ATG4B: variants seen among roughly 807,000 people sequenced by gnomAD.
ATG4B encodes the protein autophagy related 4B cysteine peptidase.
Under a neutral mutation model 56.6 loss-of-function variants are expected in ATG4B, and 29 were observed. The ratio of observed to expected loss-of-function variants is 0.51; its 90% CI spans 0.38 to 0.70. The LOEUF is 0.70. Among genes scored for constraint, ATG4B ranks in the 30% least tolerant of loss-of-function variants. ATG4B has a pLI of 0.00. For missense variants in ATG4B, 461 were observed against 515.5 expected, an observed-to-expected ratio of 0.89 and a Z score of 1.02; for synonymous variants, 224 against 206.1, an observed-to-expected ratio of 1.09 and a Z score of -0.74.
intron 1 of ATG4B, among the ~76,000 whole-genome samples, chr2:241,644,903 C>G (rs191654262): frequency 6.6e-6 from 1 of 151,122 alleles, no homozygotes; most frequent in Admixed American, 6.6e-5. Flanking sequence ...GAGCCGAGAT[C>G]GTGCCATTGC....
In ATG4B at chr2:241,668,798, C is replaced by A; in HGVS notation, c.957+113C>A. On this transcript the variant is annotated intron_variant, in intron 10 of 12. Coordinates refer to ENST00000404914, the MANE Select transcript of ATG4B (RefSeq NM_013325.5). The surrounding 1 kb of genome is among the most constrained non-coding windows in gnomAD (Gnocchi z 4.2). ...TTTTTTCAGCATGTTGGGATAAGTA[C>A]TGTGTTCACGTGGTTGGGAATCTGA... 1 of 1,439,950 alleles carries A rather than the reference C, an allele frequency of 6.9e-7. No individual in the cohort carries two copies. Among genetic ancestry groups the A allele is most frequent in the Non-Finnish European group, 9.3e-7 (1 of 1,077,656 alleles). The allele number at this position is 1,439,950 out of a possible 1,614,324, so 89.2% of individuals were successfully genotyped here.
At chr2:241,643,364 ATTTTTTTTT>A (rs71049595) in intron 1 of ATG4B, among the ~76,000 whole-genome samples, 2 of 109,820 alleles carry the variant, frequency 1.8e-5, no homozygotes, top group East Asian at 5.3e-4. Context: ...ACGCCTAGCT[ATTTTTTTTT>A]TTTTTTTTTT....
intron 5 of ATG4B, 41 bp downstream of exon 5, chr2:241,654,688 C>A: frequency 6.6e-7 from 1 of 1,510,744 alleles, no homozygotes; most frequent in Non-Finnish European, 9.0e-7. Flanking sequence ...CCCGGGCTGT[C>A]TGGAGAGGGT....
chr2:241,642,968 C>T (rs1190957512), intron 1 of ATG4B, among the ~76,000 whole-genome samples: 2 of 143,754 alleles, frequency 1.4e-5, no homozygotes, highest in East Asian at 2.1e-4. Context: ...CTGCAGCCTT[C>T]GCCTCCTGGG....
chr2:241,666,475 TATGAAAAAA>T, intron 7 of ATG4B, 161 bp from the exon 8 acceptor site: 1 of 688,684 alleles, frequency 1.5e-6, no homozygotes, highest in Admixed American at 2.8e-5. Flanking sequence ...GTGGCAAGAT[TATGAAAAAA>T]TTTTCTTACG....
chr2:241,654,473 A>G (rs140166823), intron 4 of ATG4B, 73 bp from the exon 5 acceptor site: 8 of 889,234 alleles, frequency 9.0e-6, no homozygotes, highest in South Asian at 1.5e-5. Flanking sequence ...TGCCATCTGT[A>G]TCTTTAGTGT....
At chr2:241,647,569 G>A (rs1364872613) in intron 1 of ATG4B, among the ~76,000 whole-genome samples, 2 of 145,342 alleles carry the variant, frequency 1.4e-5, no homozygotes, top group South Asian at 2.2e-4. Flanking sequence ...GCAGTGAGCC[G>A]AGATCGCGCT....
At chr2:241,639,074 C>T (rs966643695) in intron 1 of ATG4B, among the ~76,000 whole-genome samples, 5 of 152,126 alleles carry the variant, frequency 3.3e-5, no homozygotes, top group African/African-American at 9.7e-5. Context: ...CACTATGGCA[C>T]GGATACCATG....
intron 1 of ATG4B, among the ~76,000 whole-genome samples, chr2:241,642,917 C>T (rs953453357): frequency 8.0e-5 from 10 of 124,456 alleles, no homozygotes; most frequent in South Asian, 5.9e-4. Flanking sequence ...GTCTCACTGT[C>T]GCCCAGACTG....
rs760313900 is a variant in ATG4B, at chr2:241,668,613, G to A, written c.885G>A (p.Pro295=). Residue 295 remains proline, a synonymous_variant, in exon 10 of 13, where the codon CCG becomes CCA. Coordinates refer to ENST00000404914, the MANE Select transcript of ATG4B (RefSeq NM_013325.5). The surrounding 1 kb of genome is among the most constrained non-coding windows in gnomAD (Gnocchi z 4.2). ...AGCCCACTGATGGCTGCTTCATCCC[G>A]GACGAGAGCTTCCACTGCCAGCACC... ...AVEPTDGCFI[P]DESFHCQHPP... 37 of 1,593,298 alleles carry A rather than the reference G, an allele frequency of 2.3e-5. No individual in the cohort carries two copies. Among genetic ancestry groups the A allele is most frequent in the African/African-American group, 2.0e-4 (15 of 74,344 alleles).
chr2:241,660,526 T>C (rs2068558512), intron 7 of ATG4B, among the ~76,000 whole-genome samples: 1 of 152,226 alleles, frequency 6.6e-6, no homozygotes, highest in East Asian at 1.9e-4. Flanking sequence ...AAAGGGTGTT[T>C]GTTTCTTCCA....
chr2:241,668,669 A>AC lies in ATG4B; in HGVS notation c.944dup (p.Ser316ValfsTer9). 1 of 1,575,094 alleles carries AC rather than the reference A, an allele frequency of 6.3e-7. No individual in the cohort carries two copies. The highest frequency in any genetic ancestry group is 8.6e-7 in the Non-Finnish European group (1 of 1,161,674). On this transcript the variant is annotated frameshift_variant, in exon 10 of 13. Transcript: ENST00000404914. LOFTEE classifies it high-confidence loss of function. This position sits in a 1 kb window ranked among gnomAD's most constrained non-coding sequence, Gnocchi z 4.2. ...TGCCGCATGAGCATCGCGGAGCTTG[A>AC]CCCGTCCATCGCTGTGGTACGTGGC... is the stretch of plus-strand genomic sequence containing the variant.
chr2:241,659,568 C>G (rs2068527826), intron 7 of ATG4B: 1 of 349,424 alleles, frequency 2.9e-6, no homozygotes, highest in Non-Finnish European at 5.7e-6. Context: ...GCTGCACCAT[C>G]TCGAGCAAAG....
chr2:241,637,753 C>T (rs1246791977), intron 1 of ATG4B, 29 bp downstream of exon 1: 5 of 1,567,984 alleles, frequency 3.2e-6, no homozygotes, highest in Non-Finnish European at 4.3e-6. Context: ...TCGGTCTTTC[C>T]GCAGGAGGTG....
Position 241,670,857 on chromosome 2 carries a change from A to C in ATG4B, c.1014+75A>C, listed in dbSNP as rs1383650578. The C allele has an allele frequency of 1.0e-5, 15 of 1,455,118 alleles. No homozygotes were observed. The East Asian group carries it at 2.2e-4, about 21-fold the overall frequency. 90.1% of individuals were successfully genotyped at this position (1,455,118 alleles called of 1,614,324 possible). ...AGGCAGTGGGGCGTGCAGGGGTCGA[A>C]GGCCTGCGTCCAGGTCTCAGGCAGC... is the stretch of plus-strand genomic sequence containing the variant. On this transcript the variant is annotated intron_variant, in intron 11 of 12. Coordinates refer to ENST00000404914, the MANE Select transcript of ATG4B (RefSeq NM_013325.5).
At chr2:241,669,429 A>G (rs547398002) in intron 10 of ATG4B, among the ~76,000 whole-genome samples, 1 of 152,206 alleles carries the variant, frequency 6.6e-6, no homozygotes, top group Non-Finnish European at 1.5e-5. Flanking sequence ...CCCAGAGTGC[A>G]CACCACGCTC....
chr2:241,644,963 AAG>A (rs1450750938), intron 1 of ATG4B, among the ~76,000 whole-genome samples: 2 of 152,066 alleles, frequency 1.3e-5, no homozygotes, highest in African/African-American at 4.8e-5. Context: ...AAAAAAAAGA[AAG>A]AAATTAGAAG....
rs763784766 is a variant in ATG4B at position 241,651,139 on chromosome 2, G to A, written c.112+28G>A. The A allele has an allele frequency of 6.3e-7, 1 of 1,597,238 alleles. No individual in the cohort carries two copies. Among genetic ancestry groups the A allele is most frequent in the Admixed American group, 1.7e-5 (1 of 57,798 alleles). ...ATCGGCCATGCTGGAGCCCACCCTG[G>A]TCTGACCGCTTGGCCTGCAGAAGCA... On this transcript the variant is annotated intron_variant, in intron 2 of 12. Transcript: ENST00000404914. This position sits in a 1 kb window ranked among gnomAD's most constrained non-coding sequence, Gnocchi z 4.1.
chr2:241,638,956 CA>C (rs2067787320), intron 1 of ATG4B, among the ~76,000 whole-genome samples: 1 of 152,246 alleles, frequency 6.6e-6, no homozygotes, highest in Non-Finnish European at 1.5e-5. Context: ...GCCACTCTGG[CA>C]GCCAGAGACC....
Sources: gnomAD v4.1 joint callset for allele counts (sites outside exome capture counted in the v4.1 genomes callset) on GRCh38, gnomAD v4.1.1 for gene constraint, Gnocchi (gnomAD v3.1) non-coding constraint, MANE v1.5 for transcripts, NCBI Gene and HGNC (gene_info 2026-07-23, HGNC 2026-07-21) for gene names.